BCAR3: variants seen among roughly 807,000 people sequenced by gnomAD.
BCAR3 encodes the protein breast cancer anti-estrogen resistance protein 3.
In BCAR3, 37 loss-of-function variants were observed where a neutral mutation model predicts 80.1. The ratio of observed to expected loss-of-function variants is 0.46; its 90% CI spans 0.36 to 0.61. The LOEUF is 0.61. Ranked by LOEUF, BCAR3 falls within the 20% of genes least tolerant of loss-of-function variation. The pLI, the probability that BCAR3 is intolerant of heterozygous loss-of-function variation, is 0.00. For synonymous variants in BCAR3, 389 were observed against 418.9 expected (o/e 0.93, Z 0.87); for missense variants, 978 against 1,068.2 (o/e 0.92, Z 1.18).
chr1:93,700,999 C>T (rs1361482844), intron 3 of BCAR3, among the ~76,000 whole-genome samples: 1 of 152,220 alleles, frequency 6.6e-6, no homozygotes, highest in African/African-American at 2.4e-5. Context: ...AAAGCACAGC[C>T]TTCGGGGCAG....
chr1:93,707,099 T>TGGGA (rs971976468), intron 2 of BCAR3, among the ~76,000 whole-genome samples: 1 of 151,656 alleles, frequency 6.6e-6, no homozygotes, highest in Admixed American at 6.6e-5. Flanking sequence ...TGCTTGAACC[T>TGGGA]GGGAGGCAGA....
chr1:93,802,015 G>A (rs1228630354), intron 2 of BCAR3, among the ~76,000 whole-genome samples: 1 of 152,098 alleles, frequency 6.6e-6, no homozygotes, highest in Non-Finnish European at 1.5e-5. Context: ...CTCCTCAGGA[G>A]GCTGAGGCAG....
chr1:93,629,241 G>C (rs1476885169), intron 3 of BCAR3, among the ~76,000 whole-genome samples: 1 of 152,054 alleles, frequency 6.6e-6, no homozygotes, highest in Non-Finnish European at 1.5e-5. Context: ...AGTCAGCCTG[G>C]GCACACGCTG....
At chr1:93,764,883 C>A (rs541471498) in intron 2 of BCAR3, among the ~76,000 whole-genome samples, 1 of 152,078 alleles carries the variant, frequency 6.6e-6, no homozygotes, top group Admixed American at 6.5e-5. Context: ...TCCTCTTGCC[C>A]GGTCTACCCC....
chr1:93,626,106 A>T (rs1041446341), intron 3 of BCAR3, among the ~76,000 whole-genome samples: 2 of 152,198 alleles, frequency 1.3e-5, no homozygotes, highest in African/African-American at 4.8e-5. Context: ...GTATATCATG[A>T]CTTGGTTATG....
intron 2 of BCAR3, among the ~76,000 whole-genome samples, chr1:93,760,310 C>A (rs1488121972): frequency 6.6e-6 from 1 of 152,062 alleles, no homozygotes; most frequent in African/African-American, 2.4e-5. Flanking sequence ...TGACTTTGAT[C>A]TTTCATGATT....
intron 11 of BCAR3, among the ~76,000 whole-genome samples, chr1:93,563,772 AACCTCT>A (rs1167713127): frequency 1.3e-5 from 2 of 152,138 alleles, no homozygotes; most frequent in East Asian, 3.9e-4. Context: ...GGCTCACCAC[AACCTCT>A]ACCTCTCGGG....
At position 93,763,343 on chromosome 1, in the gene BCAR3, C is replaced by A. The variant is rs533654355; in HGVS notation, c.-62-57201G>T. Among the ~76,000 whole-genome samples the A allele has an allele frequency of 1.9e-3, 285 of 152,310 alleles. 5 individuals carry two copies. The highest frequency in any genetic ancestry group is 0.016 in the Admixed American group (252 of 15,300). On this transcript the variant is annotated intron_variant, in intron 2 of 13. Coordinates refer to the BCAR3 transcript ENST00000370244. ...CCTCCCAAAGTGCTGGGATTATAGA[C>A]ATGAGCATTGCAGCCAGCCTGCTAA...
chr1:93,745,775 C>T (rs1318988473), intron 2 of BCAR3, among the ~76,000 whole-genome samples: 1 of 152,226 alleles, frequency 6.6e-6, no homozygotes, highest in Non-Finnish European at 1.5e-5. Flanking sequence ...CGTGATTGCT[C>T]ACACCTGTAA....
chr1:93,662,247 G>A (rs958746511), intron 2 of BCAR3, among the ~76,000 whole-genome samples: 4 of 152,140 alleles, frequency 2.6e-5, no homozygotes, highest in Admixed American at 6.5e-5. Context: ...TGAAAATCAC[G>A]GGAGCTTCTT....
At chr1:93,840,482 A>C (rs771341804) in intron 2 of BCAR3, among the ~76,000 whole-genome samples, 4 of 152,220 alleles carry the variant, frequency 2.6e-5, no homozygotes, top group Admixed American at 6.5e-5. Flanking sequence ...GCTTTAATAG[A>C]TGGTTATTTG....
rs183466279 is a variant in BCAR3 at position 93,708,051 on chromosome 1, G to A, written c.-62-1909C>T. Among the ~76,000 whole-genome samples the A allele has an allele frequency of 7.9e-5, 12 of 152,322 alleles. No individual in the cohort carries two copies. The South Asian group carries it at 1.0e-3, about 13-fold the overall frequency. ...AGCATAGACAGGAGGGGAGGGGTGC[G>A]GGAGGGTTCCTCTAGCCATTGAGTC... On this transcript the variant is annotated intron_variant, in intron 2 of 13. Coordinates refer to the BCAR3 transcript ENST00000370244.
chr1:93,616,844 T>C (rs1675144304), intron 3 of BCAR3, among the ~76,000 whole-genome samples: 1 of 152,194 alleles, frequency 6.6e-6, no homozygotes, highest in Non-Finnish European at 1.5e-5. Context: ...GAAAAGGTCC[T>C]ACAGGGTGAA....
chr1:93,609,667 C>A (rs918253145), intron 3 of BCAR3, among the ~76,000 whole-genome samples: 21 of 152,198 alleles, frequency 1.4e-4, no homozygotes, highest in Non-Finnish European at 2.8e-4. Flanking sequence ...GTGCTTTTTA[C>A]CAAGTTCCTC....
intron 2 of BCAR3, among the ~76,000 whole-genome samples, chr1:93,844,058 C>T (rs1430899720): frequency 2.0e-5 from 3 of 152,176 alleles, no homozygotes; most frequent in South Asian, 4.1e-4. Flanking sequence ...GTAGCTCACG[C>T]CTCACTTTGG....
At chr1:93,819,716 C>T (rs758386743) in intron 2 of BCAR3, among the ~76,000 whole-genome samples, 7 of 152,150 alleles carry the variant, frequency 4.6e-5, no homozygotes, top group Admixed American at 2.6e-4. Context: ...AACACTATAA[C>T]TTTGCCAGAT....
intron 2 of BCAR3, among the ~76,000 whole-genome samples, chr1:93,755,048 T>A (rs939667496): frequency 6.6e-6 from 1 of 152,148 alleles, no homozygotes; most frequent in African/African-American, 2.4e-5. Flanking sequence ...TGTGCTTGTG[T>A]CTTAGTTTTT....
At chr1:93,697,932 C>T (rs1179512663) in intron 3 of BCAR3, among the ~76,000 whole-genome samples, 1 of 152,128 alleles carries the variant, frequency 6.6e-6, no homozygotes, top group East Asian at 1.9e-4. Context: ...GAGCCGAGAT[C>T]GTGCCATTGC....
At chr1:93,776,000 G>A (rs2391313) in intron 2 of BCAR3, among the ~76,000 whole-genome samples, 45,123 of 152,016 alleles carry the variant, frequency 0.3, 9,234 homozygotes, top group African/African-American at 0.58. Flanking sequence ...CTAATGAAAA[G>A]TATTCTCGTC....
Sources: allele counts gnomAD v4.1 joint callset (sites outside exome capture counted in the v4.1 genomes callset), GRCh38; gene constraint gnomAD v4.1.1; transcripts MANE v1.5; gene names NCBI Gene and HGNC (gene_info 2026-07-23, HGNC 2026-07-21).